The following TRPM8 variants were observed in gnomAD, a reference collection of about 807,000 sequenced individuals.
TRPM8 encodes transient receptor potential cation channel subfamily M member 8.
In TRPM8, 110 loss-of-function variants were observed where a neutral mutation model predicts 133.7. The observed-to-expected ratio is 0.82, with a 90% CI of 0.70 to 0.96. The LOEUF is 0.96. Among genes scored for constraint, TRPM8 ranks in the 40% least tolerant of loss-of-function variants. The pLI, the probability that TRPM8 is intolerant of heterozygous loss-of-function variation, is 0.00. For synonymous variants in TRPM8, 535 were observed against 532.3 expected (o/e 1.01, Z -0.07); for missense variants, 1,291 against 1,379.5 (o/e 0.94, Z 1.02).
At chr2:233,977,676 G>T (rs1225611595) in intron 17 of TRPM8, among the ~76,000 whole-genome samples, 1 of 152,196 alleles carries the variant, frequency 6.6e-6, no homozygotes, top group East Asian at 1.9e-4. Flanking sequence ...CGAGGAGCCT[G>T]CCTTGGTTTC....
At chr2:233,972,524 C>G (rs181118832) in intron 17 of TRPM8, among the ~76,000 whole-genome samples, 2 of 152,178 alleles carry the variant, frequency 1.3e-5, no homozygotes, top group Non-Finnish European at 2.9e-5. Context: ...CAGGGGGTGG[C>G]GCTCGTGGAG....
chr2:233,951,979 T>C (rs1691180755), intron 9 of TRPM8, among the ~76,000 whole-genome samples: 1 of 152,176 alleles, frequency 6.6e-6, no homozygotes, highest in South Asian at 2.1e-4. Context: ...CGATGCATTA[T>C]ACCTCTCCCA....
At chr2:233,933,979 A>G (rs1307487364) in intron 3 of TRPM8, 2 of 167,074 alleles carry the variant, frequency 1.2e-5, no homozygotes, top group African/African-American at 2.4e-5. Flanking sequence ...CTGGAGGGTG[A>G]TTTTGGATCC....
Position 233,955,256 on chromosome 2 carries a change from C to A in TRPM8, c.1362+6C>A. 1 of 1,607,644 alleles carries A rather than the reference C, an allele frequency of 6.2e-7. No individual in the cohort carries two copies. Among genetic ancestry groups the A allele is most frequent in the South Asian group, 1.1e-5 (1 of 90,902 alleles). ...CCAATGACCGCCGATGGGAGGTAAG[C>A]ACGAAGCTCTCCTGGGTTATTCCAG... On this transcript the variant is annotated splice_donor_region_variant and intron_variant, in intron 11 of 25. Transcript: ENST00000324695.
intron 14 of TRPM8, 118 bp downstream of exon 14, chr2:233,964,875 C>G: frequency 1.8e-6 from 2 of 1,101,340 alleles, no homozygotes; most frequent in Non-Finnish European, 2.5e-6. Flanking sequence ...GCTCCCCAGT[C>G]TGATTGAGGG....
chr2:233,975,928 A>G (rs917956247), intron 17 of TRPM8, among the ~76,000 whole-genome samples: 2 of 152,178 alleles, frequency 1.3e-5, no homozygotes, highest in South Asian at 2.1e-4. Context: ...CAAACAAAAA[A>G]CACACACACA....
chr2:233,919,646 C>T (rs754292314), intron 1 of TRPM8, among the ~76,000 whole-genome samples: 1 of 151,490 alleles, frequency 6.6e-6, no homozygotes, highest in Admixed American at 6.6e-5. Context: ...AGAGTATTTA[C>T]ATGGATCCAT....
In TRPM8 at chr2:233,983,044, C is replaced by A; in HGVS notation, c.2590-9C>A. ...GTCCTGACTCCGCTCTCCTGTCCTC[C>A]CCTGACAGCTGATCGATGTGTTCTT... On this transcript the variant is annotated splice_polypyrimidine_tract_variant and intron_variant, in intron 19 of 25. Coordinates refer to ENST00000324695, the MANE Select transcript of TRPM8 (RefSeq NM_024080.5). 1 of 1,609,212 alleles carries A rather than the reference C, an allele frequency of 6.2e-7. No individual in the cohort carries two copies. The highest frequency in any genetic ancestry group is 8.5e-7 in the Non-Finnish European group (1 of 1,176,102).
chr2:233,992,780 C>T (rs28948673), intron 21 of TRPM8, among the ~76,000 whole-genome samples: 11,686 of 152,218 alleles, frequency 0.077, 479 homozygotes, highest in East Asian at 0.14. Context: ...AGAACCATCT[C>T]AGATGGGGCG....
chr2:234,002,094 A>T (rs1692580305), intron 22 of TRPM8, among the ~76,000 whole-genome samples: 1 of 152,060 alleles, frequency 6.6e-6, no homozygotes, highest in African/African-American at 2.4e-5. Context: ...GAGGACATTT[A>T]AACCCTTGAC....
intron 17 of TRPM8, among the ~76,000 whole-genome samples, chr2:233,977,656 T>C (rs1691903664): frequency 6.6e-6 from 1 of 152,184 alleles, no homozygotes; most frequent in South Asian, 2.1e-4. Flanking sequence ...ACAGTTCCTG[T>C]GGCCTCCCCC....
At chr2:233,934,548 C>G (rs1691750708) in intron 3 of TRPM8, among the ~76,000 whole-genome samples, 1 of 152,160 alleles carries the variant, frequency 6.6e-6, no homozygotes, top group Admixed American at 6.5e-5. Context: ...GTCAATGCAC[C>G]ATCTCTAGCA....
chr2:233,961,686 GTGGCC>G (rs371878496), intron 12 of TRPM8, among the ~76,000 whole-genome samples: 175 of 142,180 alleles, frequency 1.2e-3, no homozygotes, highest in African/African-American at 4.3e-3. Context: ...CTGGAGTGCA[GTGGCC>G]TGATCTGAGC....
chr2:233,942,711 C>T lies in TRPM8; in HGVS notation c.662C>T (p.Ser221Phe). Residue 221 changes from serine (S) to phenylalanine (F), a missense_variant, in exon 6 of 26, where the codon TCC becomes TTC. Transcript: ENST00000324695. The part of the protein sequence containing the change: ...AIGIAAWGMV[S>F]NRDTLIRNCD... ...GGCATAGCAGCTTGGGGCATGGTCT[C>T]CAACCGGGACACCCTCATCAGGAAT... The T allele has an allele frequency of 6.2e-7, 1 of 1,614,144 alleles. No homozygotes were observed. The highest frequency in any genetic ancestry group is 8.5e-7 in the Non-Finnish European group (1 of 1,180,032).
intron 23 of TRPM8, 107 bp from the exon 24 acceptor site, chr2:234,007,963 A>G: frequency 9.2e-7 from 1 of 1,091,776 alleles, no homozygotes; most frequent in South Asian, 1.4e-5. Context: ...AGTGAAAATG[A>G]CTTGTATTCT....
At chr2:233,960,125 G>A (rs1372679524) in intron 11 of TRPM8, among the ~76,000 whole-genome samples, 1 of 152,140 alleles carries the variant, frequency 6.6e-6, no homozygotes, top group Non-Finnish European at 1.5e-5. Context: ...TAGAGCTAGA[G>A]ATAGACAACA....
intron 21 of TRPM8, among the ~76,000 whole-genome samples, chr2:233,987,139 A>G (rs1692166104): frequency 6.6e-6 from 1 of 152,222 alleles, no homozygotes; most frequent in South Asian, 2.1e-4. Flanking sequence ...TTATTAGATC[A>G]CTATTTGATG....
At chr2:234,014,413 T>C in intron 24 of TRPM8, 149 bp from the exon 25 acceptor site, 3 of 465,588 alleles carry the variant, frequency 6.4e-6, no homozygotes, top group Non-Finnish European at 1.2e-5. Flanking sequence ...AAATATCACA[T>C]GCCACTCTCA....
At chr2:233,964,577 A>AT in intron 13 of TRPM8, 51 bp from the exon 14 acceptor site, 4 of 1,231,382 alleles carry the variant, frequency 3.2e-6, no homozygotes, top group Non-Finnish European at 4.2e-6. Context: ...AAAAAAAAAA[A>AT]GAAAAGGAAA....
Sources: gnomAD v4.1 joint callset for allele counts (sites outside exome capture counted in the v4.1 genomes callset) on GRCh38, gnomAD v4.1.1 for gene constraint, MANE v1.5 for transcripts, NCBI Gene and HGNC (gene_info 2026-07-23, HGNC 2026-07-21) for gene names.